The following FBXO39 variants were observed in gnomAD, a reference collection of about 807,000 sequenced individuals.
The protein encoded by FBXO39 is F-box only protein 39.
Under a neutral mutation model 36.6 loss-of-function variants are expected in FBXO39, and 22 were observed. The observed-to-expected ratio is 0.60, with a 90% CI of 0.43 to 0.86. The LOEUF (loss-of-function observed/expected upper bound fraction) is 0.86. Among genes scored for constraint, FBXO39 ranks in the 40% least tolerant of loss-of-function variants. The probability of loss-of-function intolerance (pLI) is 0.00; values close to 1 mark genes in which losing one functional copy is unlikely to be tolerated. For missense variants in FBXO39, 536 were observed against 543.9 expected (o/e 0.99, Z 0.14); for synonymous variants, 206 against 205.8 (o/e 1.00, Z -0.01).
At position 6,780,759 on chromosome 17, in the gene FBXO39, C is replaced by A; in HGVS notation, c.891C>A (p.Arg297=). 1 of 1,614,132 alleles carries A rather than the reference C, an allele frequency of 6.2e-7. No homozygotes were observed. The highest frequency in any genetic ancestry group is 8.5e-7 in the Non-Finnish European group (1 of 1,180,038). The change falls in exon 2 of 4, where the codon CGC becomes CGA. Residue 297 remains arginine (R), a synonymous_variant. Transcript: ENST00000321535. ...FFFERIMKYE[R]LARILLQEIP... ...TTGAACGGATCATGAAGTACGAACG[C>A]TTGGCCCGAATCCTCTTGCAGGAGA...
Position 6,786,983 on chromosome 17 carries a change from G to A in FBXO39, c.1200+27G>A, listed in dbSNP as rs749272063. On this transcript the variant is annotated intron_variant, in intron 3 of 3. Transcript: ENST00000321535. ...TAAGAGGTCCCCAGGCTGGTTCCAC[G>A]GCGTAGAGTGGGGGCATCCAGGAAT... is the stretch of plus-strand genomic sequence containing the variant. 24 of 1,593,014 alleles carry A rather than the reference G, an allele frequency of 1.5e-5. No individual in the cohort carries two copies. The South Asian group carries it at 1.7e-4, about 11-fold the overall frequency.
Position 6,780,552 on chromosome 17 carries a change from C to G in FBXO39, c.684C>G (p.Ser228=). The change falls in exon 2 of 4, where the codon TCC becomes TCG. Residue 228 remains serine, a synonymous_variant. Transcript: ENST00000321535. ...KTMSTFHNLV[S]LNLNYNCISD... ...TGTCCACATTCCACAATCTTGTGTC[C>G]CTGAACCTCAACTACAACTGTATCT... is the stretch of plus-strand genomic sequence containing the variant. The G allele has an allele frequency of 6.2e-7, 1 of 1,613,872 alleles. No individual in the cohort carries two copies. Among genetic ancestry groups the G allele is most frequent in the Non-Finnish European group, 8.5e-7 (1 of 1,180,014 alleles).
intron 2 of FBXO39, among the ~76,000 whole-genome samples, chr17:6,784,338 C>CT (rs1246937325): frequency 6.6e-6 from 1 of 152,074 alleles, no homozygotes; most frequent in Non-Finnish European, 1.5e-5. Flanking sequence ...AAAGCCTTTT[C>CT]TTTAAGATCC....
At chr17:6,778,125 G>A (rs1399393156) in intron 1 of FBXO39, among the ~76,000 whole-genome samples, 1 of 152,202 alleles carries the variant, frequency 6.6e-6, no homozygotes, top group Non-Finnish European at 1.5e-5. Flanking sequence ...CCTGCCATGG[G>A]TTCTATTCAG....
At chr17:6,778,860 G>A (rs1254494076) in intron 1 of FBXO39, among the ~76,000 whole-genome samples, 1 of 152,162 alleles carries the variant, frequency 6.6e-6, no homozygotes, top group Non-Finnish European at 1.5e-5. Flanking sequence ...TCCTTCAACA[G>A]TTACCAAATC....
In FBXO39 at chr17:6,780,418, G is replaced by T; in HGVS notation, c.550G>T (p.Asp184Tyr). Residue 184 changes from aspartate (D) to tyrosine (Y), a missense_variant, in exon 2 of 4, where the codon GAC becomes TAC. Physicochemically the swap from Asp to Tyr is radical, Grantham distance 160. Coordinates refer to ENST00000321535, the MANE Select transcript of FBXO39 (RefSeq NM_153230.3). Reference protein sequence around the residue: ...LTVEQGCQILDSLSYMRNENV... With the variant: ...LTVEQGCQILYSLSYMRNENV... ...CGTGGAGCAAGGCTGCCAAATTCTC[G>T]ACTCCCTCAGCTACATGAGGAATGA... is the stretch of plus-strand genomic sequence containing the variant. 6.2e-7 allele frequency: 1 copy of T among 1,614,004 alleles called. No homozygotes were observed. The highest frequency in any genetic ancestry group is 8.5e-7 in the Non-Finnish European group (1 of 1,180,006).
chr17:6,779,831 G>A lies in FBXO39; in HGVS notation c.-38G>A. ...TCCTTTCCTCATTTTTGGAAGCCCT[G>A]CCTAACACACAGCTGCACTGTACAT... On this transcript the variant is annotated 5_prime_UTR_variant, in exon 2 of 4. Transcript: ENST00000321535. 1 of 1,584,040 alleles carries A rather than the reference G, an allele frequency of 6.3e-7. No individual in the cohort carries two copies. The highest frequency in any genetic ancestry group is 1.3e-5 in the African/African-American group (1 of 74,112).
Position 6,780,571 on chromosome 17 carries a change from T to C in FBXO39, c.703T>C (p.Cys235Arg). The change falls in exon 2 of 4, where the codon TGT becomes CGT. Residue 235 changes from cysteine (C) to arginine (R), a missense_variant. Physicochemically the swap from Cys to Arg is radical, Grantham distance 180. Coordinates refer to ENST00000321535, the MANE Select transcript of FBXO39 (RefSeq NM_153230.3). ...TGTGTCCCTGAACCTCAACTACAAC[T>C]GTATCTCCGACGAGCTGCTTGAGAA... ...NLVSLNLNYNCISDELLENLC... is the reference protein window; with the variant it reads ...NLVSLNLNYNRISDELLENLC... 6.2e-7 allele frequency: 1 copy of C among 1,613,982 alleles called. No individual in the cohort carries two copies. Among genetic ancestry groups the C allele is most frequent in the South Asian group, 1.1e-5 (1 of 91,062 alleles).
Position 6,787,257 on chromosome 17 carries a change from T to C in FBXO39, c.1201-43T>C, listed in dbSNP as rs577617789. ...GTGTGTATGTGTGTGTGTGTGTGCG[T>C]GTGTGCGTGCTCATATGTGGATGTA... On this transcript the variant is annotated intron_variant, in intron 3 of 3. Transcript: ENST00000321535. 1,953 of 1,560,200 alleles carry C rather than the reference T, an allele frequency of 1.3e-3. 13 individuals carry two copies. The highest frequency in any genetic ancestry group is 1.6e-3 in the Admixed American group (89 of 54,344).
chr17:6,780,692 A>G lies in FBXO39; in HGVS notation c.824A>G (p.Lys275Arg). The G allele has an allele frequency of 6.2e-7, 1 of 1,614,172 alleles. No homozygotes were observed. Among genetic ancestry groups the G allele is most frequent in the South Asian group, 1.1e-5 (1 of 91,088 alleles). Residue 275 changes from lysine to arginine, a missense_variant, in exon 2 of 4, where the codon AAG becomes AGG. Physicochemically the swap from Lys to Arg is conservative, Grantham distance 26 (BLOSUM62 2). Transcript: ENST00000321535. ...GTCATCTGGGGTATGTCCTGGGCCA[A>G]GCTGGCCAGGCAGGCCACCAATCTG... ...GQVIWGMSWAKLARQATNLKV... is the reference protein window; with the variant it reads ...GQVIWGMSWARLARQATNLKV...
chr17:6,780,253 C>T lies in FBXO39; in HGVS notation c.385C>T (p.Leu129Phe), dbSNP rs1206201359. ...TAAGAGCAACAACCGTCTGAAATCT[C>T]TTTCCATCCAATACCTGGAGCTGGA... ...LSKSNNRLKS[L>F]SIQYLELDRL... The change falls in exon 2 of 4, where the codon CTT becomes TTT. Residue 129 changes from leucine to phenylalanine, a missense_variant. By Grantham distance (22) the Leu-to-Phe change is conservative. Coordinates refer to ENST00000321535, the MANE Select transcript of FBXO39 (RefSeq NM_153230.3). The T allele has an allele frequency of 3.7e-6, 6 of 1,614,084 alleles. No individual in the cohort carries two copies. The South Asian group carries it at 6.6e-5, about 18-fold the overall frequency.
At chr17:6,786,685 C>A in intron 2 of FBXO39, 95 bp from the exon 3 acceptor site, 1 of 1,047,882 alleles carries the variant, frequency 9.5e-7, no homozygotes, top group Non-Finnish European at 1.4e-6. Flanking sequence ...TCATGGCTAT[C>A]AGGCCCAGAG....
At chr17:6,777,538 T>C (rs1249221553) in intron 1 of FBXO39, among the ~76,000 whole-genome samples, 1 of 152,242 alleles carries the variant, frequency 6.6e-6, no homozygotes, top group East Asian at 1.9e-4. Context: ...ATTCCAAGTC[T>C]TTGCTTCGTG....
In FBXO39 at chr17:6,787,540, T is replaced by TG; in HGVS notation, c.*112_*113insG. Reference sequence around the variant, plus strand: ...TTTTGCTCCTCTCTCTCCCCTCCACTTTTTTTTTTTGTCAGCTCCATGACA... The same window carrying TG: ...TTTTGCTCCTCTCTCTCCCCTCCACTGTTTTTTTTTTGTCAGCTCCATGACA... On this transcript the variant is annotated 3_prime_UTR_variant, in exon 4 of 4. Coordinates refer to ENST00000321535, the MANE Select transcript of FBXO39 (RefSeq NM_153230.3). The TG allele has an allele frequency of 1.3e-6, 1 of 776,822 alleles. No individual in the cohort carries two copies. The highest frequency in any genetic ancestry group is 1.8e-6 in the Non-Finnish European group (1 of 551,474). The allele number at this position is 776,822 out of a possible 1,614,324, so 48.1% of individuals were successfully genotyped here.
rs138181464 is a variant in FBXO39, at chr17:6,787,253, T to TGTGTGTGTGTGTGTGTGTGCGC, written c.1201-46_1201-45insTGTGTGTGTGTGTGTGTGCGCG. On this transcript the variant is annotated intron_variant, in intron 3 of 3. Transcript: ENST00000321535. ...GTGTGTGTGTATGTGTGTGTGTGTG[T>TGTGTGTGTGTGTGTGTGTGCGC]GCGTGTGTGCGTGCTCATATGTGGA... 9.0e-6 allele frequency: 14 copies of TGTGTGTGTGTGTGTGTGTGCGC among 1,552,082 alleles called. No individual in the cohort carries two copies. The African/African-American group carries it at 2.0e-4, about 22-fold the overall frequency.
intron 3 of FBXO39, 42 bp downstream of exon 3, chr17:6,786,998 C>T: frequency 6.4e-7 from 1 of 1,571,806 alleles, no homozygotes; most frequent in Non-Finnish European, 8.6e-7. Flanking sequence ...AGAGTGGGGG[C>T]ATCCAGGAAT....
At chr17:6,782,438 T>C (rs1411748650) in intron 2 of FBXO39, among the ~76,000 whole-genome samples, 1 of 152,042 alleles carries the variant, frequency 6.6e-6, no homozygotes, top group Non-Finnish European at 1.5e-5. Flanking sequence ...GTAATAACAT[T>C]GAATACAAAT....
intron 1 of FBXO39, among the ~76,000 whole-genome samples, chr17:6,776,835 A>G (rs775106911): frequency 7.9e-5 from 12 of 152,022 alleles, no homozygotes; most frequent in Non-Finnish European, 1.8e-4. Context: ...ATTCACACAT[A>G]AAGAAATTGA....
chr17:6,780,771 C>G lies in FBXO39; in HGVS notation c.903C>G (p.Ile301Met). 1.2e-6 allele frequency: 2 copies of G among 1,614,168 alleles called. No homozygotes were observed. The highest frequency in any genetic ancestry group is 1.7e-6 in the Non-Finnish European group (2 of 1,180,042). The change falls in exon 2 of 4, where the codon ATC becomes ATG. Residue 301 changes from isoleucine to methionine, a missense_variant. Ile to Met is a conservative substitution (Grantham distance 10). Transcript: ENST00000321535. ...TGAAGTACGAACGCTTGGCCCGAATCCTCTTGCAGGAGATCCCGATCAGGA... is the reference window on the plus strand; with the variant it reads ...TGAAGTACGAACGCTTGGCCCGAATGCTCTTGCAGGAGATCCCGATCAGGA... ...RIMKYERLAR[I>M]LLQEIPIRSI...
Sources: gnomAD v4.1 joint callset for allele counts (sites outside exome capture counted in the v4.1 genomes callset) on GRCh38, gnomAD v4.1.1 for gene constraint, MANE v1.5 for transcripts, NCBI Gene and HGNC (gene_info 2026-07-23, HGNC 2026-07-21) for gene names.